The following OPN3 variants were observed in gnomAD, a reference collection of about 807,000 sequenced individuals.
The protein encoded by OPN3 is opsin 3.
OPN3 carries 29 observed loss-of-function variants against 33.8 expected under a neutral mutation model. That is an observed-to-expected ratio of 0.86 (90% CI 0.64 to 1.17). The LOEUF (loss-of-function observed/expected upper bound fraction) is 1.17, where lower values mean the gene tolerates loss of function less well. Among genes scored for constraint, OPN3 ranks in the 50% most tolerant of loss-of-function variants. The probability of loss-of-function intolerance (pLI) is 0.00; values close to 1 mark genes in which losing one functional copy is unlikely to be tolerated. For synonymous variants in OPN3, 216 were observed against 216.1 expected, an observed-to-expected ratio of 1.00 and a Z score of 0.00; for missense variants, 437 against 514.1, an observed-to-expected ratio of 0.85 and a Z score of 1.45.
At chr1:241,605,064 A>AAAT (rs1573953355) in intron 1 of OPN3, among the ~76,000 whole-genome samples, 2 of 136,180 alleles carry the variant, frequency 1.5e-5, no homozygotes, top group East Asian at 4.2e-4. Flanking sequence ...TCAAAAAAAA[A>AAAT]AAAAATAAAA....
chr1:241,595,728 T>C (rs1320057890), intron 3 of OPN3: 2 of 152,208 alleles, frequency 1.3e-5, no homozygotes, highest in Non-Finnish European at 2.9e-5. Context: ...GCTCCAATCT[T>C]ATGCAAGTTA....
chr1:241,624,532 T>C (rs1265882622), intron 1 of OPN3, among the ~76,000 whole-genome samples: 1 of 152,250 alleles, frequency 6.6e-6, no homozygotes, highest in Non-Finnish European at 1.5e-5. Flanking sequence ...GATCACAGCC[T>C]GATTAATATG....
At chr1:241,639,329 C>T (rs1665022093) in intron 1 of OPN3, 1 of 152,168 alleles carries the variant, frequency 6.6e-6, no homozygotes, top group African/African-American at 2.4e-5. Flanking sequence ...TGTCTCATTC[C>T]CTAGAAAGCA....
chr1:241,612,003 G>A (rs1664015229), intron 1 of OPN3, among the ~76,000 whole-genome samples: 1 of 152,174 alleles, frequency 6.6e-6, no homozygotes, highest in Admixed American at 6.5e-5. Flanking sequence ...AATCTTTGTT[G>A]GCTGTGGGAA....
chr1:241,635,473 G>A lies in OPN3; in HGVS notation c.373+4409C>T, dbSNP rs201051237. The A allele has an allele frequency of 1.0e-4, 162 of 1,613,846 alleles. No homozygotes were observed. In the East Asian group the frequency reaches 3.5e-3, roughly 35 times the overall value. On this transcript the variant is annotated intron_variant, in intron 1 of 3. Transcript: ENST00000366554. ...GACTGGCGTAGCAAAAAGCTTCTGT[G>A]TGTTGAATAGTTTCATCCTTCTTGC...
chr1:241,607,728 AAGG>A (rs147322622), intron 1 of OPN3, among the ~76,000 whole-genome samples: 3,606 of 143,840 alleles, frequency 0.025, 151 homozygotes, highest in African/African-American at 0.086. Flanking sequence ...GAGGAAGAGA[AAGG>A]AGGGAAGGAA....
intron 1 of OPN3, among the ~76,000 whole-genome samples, chr1:241,624,560 A>C (rs1238905592): frequency 6.6e-6 from 1 of 152,232 alleles, no homozygotes; most frequent in Non-Finnish European, 1.5e-5. Context: ...ATTGTGCATC[A>C]ATGTCAGGCC....
At chr1:241,633,857 T>C in intron 1 of OPN3, 3 of 1,613,924 alleles carry the variant, frequency 1.9e-6, no homozygotes, top group Non-Finnish European at 2.5e-6. Context: ...GGATTCTAGT[T>C]TGGCCATTAC....
In OPN3 at chr1:241,597,890, A is replaced by G. The variant is rs370383872; in HGVS notation, c.801T>C (p.Cys267=). 21 of 1,613,936 alleles carry G rather than the reference A, an allele frequency of 1.3e-5. No homozygotes were observed. Among genetic ancestry groups the G allele is most frequent in the Non-Finnish European group, 1.8e-5 (21 of 1,180,008 alleles). ...CFLMIFTFLV[C]WMPYIVICFL... is the part of the protein sequence containing the mutation. ...AGCAGATCACGATATAAGGCATCCA[A>G]CAGACCAGGAAGGTGAATATCATTA... Residue 267 remains cysteine, a synonymous_variant, in exon 3 of 4, where the codon TGT becomes TGC. Transcript: ENST00000366554.
At chr1:241,626,136 T>C (rs915244255) in intron 1 of OPN3, among the ~76,000 whole-genome samples, 3 of 152,174 alleles carry the variant, frequency 2.0e-5, no homozygotes, top group Non-Finnish European at 4.4e-5. Flanking sequence ...GTACTAATAA[T>C]ACAAGAAGCC....
intron 1 of OPN3, among the ~76,000 whole-genome samples, 179 bp downstream of exon 1, chr1:241,639,703 C>A (rs997959358): frequency 1.5e-5 from 2 of 137,552 alleles, no homozygotes; most frequent in African/African-American, 5.3e-5. Flanking sequence ...ACCCGCCATG[C>A]GGCTGGGGTC....
At position 241,611,535 on chromosome 1, in the gene OPN3, C is replaced by G. The variant is rs533347086; in HGVS notation, c.374-6956G>C. ...AAATGATGGGGAAGTGAAGTGACAG[C>G]CAATCCTCTTATCCTATTCCAGGAA... On this transcript the variant is annotated intron_variant, in intron 1 of 3. Transcript: ENST00000366554. 7.3e-5 allele frequency among the ~76,000 whole-genome samples: 11 copies of G among 151,104 alleles called. No individual in the cohort carries two copies. The South Asian group carries it at 2.3e-3, about 32-fold the overall frequency.
chr1:241,601,354 TAA>T (rs1252748836), intron 2 of OPN3, among the ~76,000 whole-genome samples: 3 of 143,290 alleles, frequency 2.1e-5, no homozygotes, highest in Non-Finnish European at 3.1e-5. Flanking sequence ...AAAGGAGAAC[TAA>T]GTTTTTTTTT....
chr1:241,634,501 T>C lies in OPN3; in HGVS notation c.373+5381A>G, dbSNP rs926903802. Reference sequence around the variant, plus strand: ...CATTTATTCTTTGACCAAAGTGATCTATAATTGCTTTACATCGTCCAGATT... The same window carrying C: ...CATTTATTCTTTGACCAAAGTGATCCATAATTGCTTTACATCGTCCAGATT... On this transcript the variant is annotated intron_variant, in intron 1 of 3. Coordinates refer to ENST00000366554, the MANE Select transcript of OPN3 (RefSeq NM_014322.3). 3 of 1,613,792 alleles carry C rather than the reference T, an allele frequency of 1.9e-6. No homozygotes were observed. In the African/African-American group the frequency reaches 4.0e-5, roughly 22 times the overall value.
At chr1:241,598,079 C>A in intron 2 of OPN3, 82 bp from the exon 3 acceptor site, 1 of 1,459,560 alleles carries the variant, frequency 6.9e-7, no homozygotes, top group South Asian at 1.4e-5. Flanking sequence ...GATATTCAGA[C>A]ACCATTCTTG....
intron 1 of OPN3, among the ~76,000 whole-genome samples, chr1:241,612,206 C>T (rs927901898): frequency 6.6e-6 from 1 of 152,176 alleles, no homozygotes; most frequent in Admixed American, 6.5e-5. Flanking sequence ...TTCAAATTCT[C>T]TACCTATAAA....
chr1:241,632,975 G>A (rs1208684922), intron 1 of OPN3: 1 of 152,068 alleles, frequency 6.6e-6, no homozygotes, highest in Non-Finnish European at 1.5e-5. Context: ...TTTGGTCTAA[G>A]TTACTTATTG....
chr1:241,600,613 T>A (rs1663654020), intron 2 of OPN3: 1 of 152,204 alleles, frequency 6.6e-6, no homozygotes, highest in South Asian at 2.1e-4. Flanking sequence ...CATTCTCAAG[T>A]GTGTAGCTAT....
At chr1:241,604,232 AG>A (rs1423573958) in intron 2 of OPN3, 27 bp downstream of exon 2, 4 of 1,591,796 alleles carry the variant, frequency 2.5e-6, no homozygotes, top group Admixed American at 3.4e-5. Context: ...GTGGTTTGGG[AG>A]GGGGGCATCT....
Sources: allele counts gnomAD v4.1 joint callset (sites outside exome capture counted in the v4.1 genomes callset), GRCh38; gene constraint gnomAD v4.1.1; transcripts MANE v1.5; gene names NCBI Gene and HGNC (gene_info 2026-07-23, HGNC 2026-07-21).